PFKFB4: variants seen among roughly 807,000 people sequenced by gnomAD.
PFKFB4 encodes the protein 6-phosphofructo-2-kinase/fructose-2,6-bisphosphatase 4.
PFKFB4 carries 42 observed loss-of-function variants against 62.8 expected under a neutral mutation model. That is an observed-to-expected ratio of 0.67 (90% CI 0.52 to 0.86). The LOEUF (loss-of-function observed/expected upper bound fraction) is 0.86. Among genes scored for constraint, PFKFB4 ranks in the 40% least tolerant of loss-of-function variants. PFKFB4 has a pLI of 0.00. For synonymous variants in PFKFB4, 204 were observed against 240.7 expected, an observed-to-expected ratio of 0.85 and a Z score of 1.41; for missense variants, 475 against 627.2, an observed-to-expected ratio of 0.76 and a Z score of 2.59.
intron 12 of PFKFB4, among the ~76,000 whole-genome samples, chr3:48,522,696 G>A (rs1001274912): frequency 6.6e-6 from 1 of 152,092 alleles, no homozygotes; most frequent in Non-Finnish European, 1.5e-5. Context: ...CCTCATGCAG[G>A]TAGGCAATGG....
At chr3:48,557,582 G>A (rs1195880363), upstream of PFKFB4, among the ~76,000 whole-genome samples, 1 of 152,114 alleles carries the variant, frequency 6.6e-6, no homozygotes, top group Non-Finnish European at 1.5e-5. Flanking sequence ...TGTTGCCCAG[G>A]CTGGAGTGCA....
At chr3:48,538,451 T>A (rs770680600) in intron 7 of PFKFB4, 47 bp downstream of exon 7, 1 of 1,604,804 alleles carries the variant, frequency 6.2e-7, no homozygotes, top group South Asian at 1.1e-5. Context: ...GTATGACCCC[T>A]GCCGCCCACC....
chr3:48,527,985 G>A (rs905154677), intron 9 of PFKFB4, among the ~76,000 whole-genome samples: 1 of 151,850 alleles, frequency 6.6e-6, no homozygotes, highest in African/African-American at 2.4e-5. Context: ...CACTACGCCC[G>A]GCCAGCTTCC....
At chr3:48,541,067 G>A (rs572368707) in intron 4 of PFKFB4, among the ~76,000 whole-genome samples, 59 of 142,350 alleles carry the variant, frequency 4.1e-4, no homozygotes, top group Admixed American at 7.0e-4. Context: ...GAGCCACTGT[G>A]CCCAACCACA....
chr3:48,520,135 G>C (rs1018343569), intron 13 of PFKFB4, among the ~76,000 whole-genome samples: 1 of 152,180 alleles, frequency 6.6e-6, no homozygotes, highest in Non-Finnish European at 1.5e-5. Flanking sequence ...CCCCTGGCTT[G>C]GGGATTTTAT....
At chr3:48,533,058 A>G (rs930456747) in intron 9 of PFKFB4, among the ~76,000 whole-genome samples, 1 of 152,118 alleles carries the variant, frequency 6.6e-6, no homozygotes, top group Non-Finnish European at 1.5e-5. Context: ...ATTTTTTTAG[A>G]GATGGGGTCT....
intron 3 of PFKFB4, among the ~76,000 whole-genome samples, chr3:48,546,918 G>A (rs1222720713): frequency 6.6e-6 from 1 of 152,180 alleles, no homozygotes; most frequent in African/African-American, 2.4e-5. Flanking sequence ...GGAATTAAGT[G>A]CGTCCTGTGT....
chr3:48,561,167 T>C (rs1409845304), upstream of PFKFB4: 27 of 1,032,544 alleles, frequency 2.6e-5, no homozygotes, highest in Non-Finnish European at 3.2e-5. This position sits in a 1 kb window ranked among gnomAD's most constrained non-coding sequence, Gnocchi z 5.2. Context: ...CAGAGTGGGG[T>C]AACCCCGCCT....
chr3:48,531,704 G>C (rs2042433889), intron 9 of PFKFB4, among the ~76,000 whole-genome samples: 1 of 151,832 alleles, frequency 6.6e-6, no homozygotes, highest in Admixed American at 6.6e-5. Flanking sequence ...AAGATGGGAG[G>C]ATTACTTGAA....
intron 9 of PFKFB4, among the ~76,000 whole-genome samples, chr3:48,531,521 A>G (rs984766776): frequency 6.7e-6 from 1 of 149,276 alleles, no homozygotes; most frequent in African/African-American, 2.5e-5. Context: ...GCTCACCACA[A>G]CCTCCGCCTC....
intron 12 of PFKFB4, 103 bp downstream of exon 12, chr3:48,523,434 G>A (rs2042158011): frequency 9.0e-7 from 1 of 1,108,750 alleles, no homozygotes; most frequent in Non-Finnish European, 1.4e-6. Flanking sequence ...GTGGAGGAAT[G>A]GGCTCCTAAC....
At position 48,550,917 on chromosome 3, in the gene PFKFB4, A is replaced by AG. The variant is rs1341363802; in HGVS notation, c.98-684dup. The stretch of plus-strand genomic sequence containing the variant: ...CCTTTAGGGCCCTGGGGCCTGGCAC[A>AG]GCGCTGGTGCTCAGGAACTGTGGGC... On this transcript the variant is annotated intron_variant, in intron 1 of 13. Transcript: ENST00000232375. 4.6e-5 allele frequency among the ~76,000 whole-genome samples: 7 copies of AG among 152,362 alleles called. No homozygotes were observed. The East Asian group carries it at 1.3e-3, about 29-fold the overall frequency.
At chr3:48,539,982 C>T (rs1419301661) in intron 4 of PFKFB4, among the ~76,000 whole-genome samples, 1 of 152,124 alleles carries the variant, frequency 6.6e-6, no homozygotes, top group East Asian at 1.9e-4. Flanking sequence ...GAGAGAATGC[C>T]CCAAGGAAGT....
At chr3:48,559,587 T>A (rs1390675443), upstream of PFKFB4, 3 of 456,860 alleles carry the variant, frequency 6.6e-6, no homozygotes, top group Admixed American at 7.0e-5. Flanking sequence ...GGATGCCCGG[T>A]AGAATCTCTG....
At chr3:48,520,781 C>T (rs1056984987) in intron 13 of PFKFB4, among the ~76,000 whole-genome samples, 7 of 152,192 alleles carry the variant, frequency 4.6e-5, no homozygotes, top group Admixed American at 6.5e-5. Context: ...GCAGAATGAC[C>T]GCCAGCCACA....
chr3:48,555,638 T>C (rs949065767), intron 1 of PFKFB4, among the ~76,000 whole-genome samples: 2 of 152,030 alleles, frequency 1.3e-5, no homozygotes, highest in African/African-American at 4.8e-5. Context: ...CCCACGCCTG[T>C]AATCTCAACA....
upstream of PFKFB4, chr3:48,556,880 C>A: frequency 1.4e-6 from 2 of 1,463,648 alleles, no homozygotes; most frequent in Non-Finnish European, 1.8e-6. The surrounding 1 kb of genome is among the most constrained non-coding windows in gnomAD (Gnocchi z 5.7). Flanking sequence ...CTCCTCAAGC[C>A]GCGACAGCCC....
At chr3:48,546,578 C>G (rs2042971796) in intron 3 of PFKFB4, among the ~76,000 whole-genome samples, 1 of 152,232 alleles carries the variant, frequency 6.6e-6, no homozygotes, top group Admixed American at 6.5e-5. Flanking sequence ...AGAGTTAACA[C>G]AGCAGGTATG....
intron 1 of PFKFB4, among the ~76,000 whole-genome samples, chr3:48,552,293 G>A (rs2043179840): frequency 6.6e-6 from 1 of 152,262 alleles, no homozygotes; most frequent in Admixed American, 6.5e-5. Flanking sequence ...GGCACCGACT[G>A]CCCTTGGGAC....
Sources: allele counts gnomAD v4.1 joint callset (sites outside exome capture counted in the v4.1 genomes callset), GRCh38; gene constraint gnomAD v4.1.1; non-coding constraint Gnocchi (gnomAD v3.1); transcripts MANE v1.5; gene names NCBI Gene and HGNC (gene_info 2026-07-23, HGNC 2026-07-21).